The following YWHAB variants were observed in gnomAD, a reference collection of about 807,000 sequenced individuals.
YWHAB encodes the protein 14-3-3 protein beta/alpha.
Under a neutral mutation model 28.5 loss-of-function variants are expected in YWHAB, and 2 were observed. That is an observed-to-expected ratio of 0.07 (90% CI 0.03 to 0.22). The LOEUF (loss-of-function observed/expected upper bound fraction) is 0.22. Ranked by LOEUF, YWHAB falls within the 10% of genes least tolerant of loss-of-function variation. YWHAB has a pLI of 1.00. For synonymous variants in YWHAB, 103 were observed against 104.7 expected, an observed-to-expected ratio of 0.98 and a Z score of 0.10; for missense variants, 148 against 297.1, an observed-to-expected ratio of 0.50 and a Z score of 3.69.
In YWHAB at chr20:44,904,114, A is replaced by G; in HGVS notation, c.422A>G (p.Gln141Arg). Reference sequence around the variant, plus strand: ...GAAGTGGCATCTGGAGACAACAAACAAAGTAAGTAATATCTTTAAAAAGAA... The same window carrying G: ...GAAGTGGCATCTGGAGACAACAAACGAAGTAAGTAATATCTTTAAAAAGAA... ...LSEVASGDNK[Q>R]TTVSNSQQAY... Residue 141 changes from glutamine (Q) to arginine (R), a missense_variant and splice_region_variant, in exon 3 of 6, where the codon CAA becomes CGA. Transcript: ENST00000353703. The G allele has an allele frequency of 1.9e-6, 3 of 1,612,360 alleles. No homozygotes were observed. The highest frequency in any genetic ancestry group is 2.5e-6 in the Non-Finnish European group (3 of 1,179,458).
At chr20:44,900,817 C>T (rs1446564806) in intron 1 of YWHAB, among the ~76,000 whole-genome samples, 1 of 152,082 alleles carries the variant, frequency 6.6e-6, no homozygotes, top group Non-Finnish European at 1.5e-5. Context: ...ACTCTGTTGC[C>T]CACGCTGGAG....
At chr20:44,896,887 A>G (rs970501786) in intron 1 of YWHAB, among the ~76,000 whole-genome samples, 4 of 152,246 alleles carry the variant, frequency 2.6e-5, no homozygotes, top group Admixed American at 1.3e-4. Context: ...CAGGACCTTT[A>G]GCTATGGATT....
chr20:44,888,196 C>T (rs2066539267), intron 1 of YWHAB, among the ~76,000 whole-genome samples: 1 of 152,166 alleles, frequency 6.6e-6, no homozygotes, highest in Admixed American at 6.5e-5. Context: ...ATAGATTAGA[C>T]ATAGCATATA....
At chr20:44,889,368 T>C (rs544032205) in intron 1 of YWHAB, among the ~76,000 whole-genome samples, 2 of 152,306 alleles carry the variant, frequency 1.3e-5, no homozygotes, top group East Asian at 3.9e-4. Flanking sequence ...AAAGATTTTC[T>C]AATAGAGGTG....
At chr20:44,899,930 C>T (rs2066617022) in intron 1 of YWHAB, among the ~76,000 whole-genome samples, 1 of 152,188 alleles carries the variant, frequency 6.6e-6, no homozygotes, top group African/African-American at 2.4e-5. Flanking sequence ...GCAACCTATA[C>T]CATATACAAA....
In YWHAB at chr20:44,901,562, A is replaced by G. The variant is rs1394516879; in HGVS notation, c.29A>G (p.Gln10Arg). The change falls in exon 2 of 6, where the codon CAG (glutamine) becomes CGG (arginine). Residue 10 changes from glutamine (Q) to arginine (R), a missense_variant. Gln to Arg is a conservative substitution (Grantham distance 43, BLOSUM62 1). Coordinates refer to ENST00000353703, the MANE Select transcript of YWHAB (RefSeq NM_139323.4). ...ACAATGGATAAAAGTGAGCTGGTAC[A>G]GAAAGCCAAACTCGCTGAGCAGGCT... MTMDKSELV[Q>R]KAKLAEQAER... The G allele has an allele frequency of 2.5e-6, 4 of 1,606,384 alleles. No homozygotes were observed. Among genetic ancestry groups the G allele is most frequent in the South Asian group, 1.1e-5 (1 of 90,914 alleles).
At chr20:44,901,454 G>T (rs1395870436) in intron 1 of YWHAB, 77 bp from the exon 2 acceptor site, 1 of 1,419,048 alleles carries the variant, frequency 7.0e-7, no homozygotes, top group Non-Finnish European at 9.6e-7. Flanking sequence ...CAGATGGGTT[G>T]GAAGAAGATT....
Position 44,901,673 on chromosome 20 carries a change from C to T in YWHAB, c.140C>T (p.Ser47Phe). The part of the protein sequence containing the change: ...ELSNEERNLL[S>F]VAYKNVVGAR... ...TCCAACGAAGAGAGAAATCTGCTCT[C>T]TGTTGCCTACAAGAATGTGGTAGGC... Residue 47 changes from serine (S) to phenylalanine (F), a missense_variant, in exon 2 of 6, where the codon TCT becomes TTT. By Grantham distance (155) the Ser-to-Phe change is radical (BLOSUM62 -2). Transcript: ENST00000353703. The T allele has an allele frequency of 6.2e-7, 1 of 1,613,612 alleles. No individual in the cohort carries two copies. The highest frequency in any genetic ancestry group is 8.5e-7 in the Non-Finnish European group (1 of 1,179,892).
At chr20:44,901,866 G>C in intron 2 of YWHAB, 33 bp downstream of exon 2, 1 of 1,547,048 alleles carries the variant, frequency 6.5e-7, no homozygotes, top group Non-Finnish European at 8.7e-7. Context: ...TTGAACAGTG[G>C]TTTCTAAATA....
At chr20:44,901,973 T>C (rs1447007068) in intron 2 of YWHAB, 140 bp downstream of exon 2, 1 of 919,458 alleles carries the variant, frequency 1.1e-6, no homozygotes, top group Non-Finnish European at 1.5e-6. Context: ...ACAACTAATT[T>C]TTAAGCATAT....
chr20:44,905,934 GA>G (rs2066653300), intron 4 of YWHAB, 66 bp from the exon 5 acceptor site: 11 of 1,295,446 alleles, frequency 8.5e-6, no homozygotes, highest in East Asian at 2.3e-5. Flanking sequence ...CACCTAGCGG[GA>G]AAAAAAGTGG....
In YWHAB at chr20:44,905,834, T is replaced by C. The variant is rs1405801390; in HGVS notation, c.589-167T>C. On this transcript the variant is annotated intron_variant, in intron 4 of 5. Transcript: ENST00000353703. ...ATTGTTGGTTGGTGCTTTGTAAATA[T>C]GCCTTATACTTCTGCTGGAAACAGC... 4 of 558,526 alleles carry C rather than the reference T, an allele frequency of 7.2e-6. 1 individual carries two copies. Among genetic ancestry groups the C allele is most frequent in the African/African-American group, 1.9e-5 (1 of 53,874 alleles). 34.6% of individuals were successfully genotyped at this position (558,526 alleles called of 1,614,324 possible). A position where few individuals can be genotyped will look rare whatever the true frequency, so the allele number is the denominator to read the frequency against.
intron 1 of YWHAB, among the ~76,000 whole-genome samples, chr20:44,898,072 C>T (rs2066605985): frequency 6.6e-6 from 1 of 152,190 alleles, no homozygotes; most frequent in Non-Finnish European, 1.5e-5. Flanking sequence ...GTCATTTCTA[C>T]TTATCTTTCA....
rs967365091 is a variant in YWHAB, at chr20:44,893,733, T to A, written c.-3-7798T>A. Among the ~76,000 whole-genome samples the A allele has an allele frequency of 4.9e-5, 7 of 143,710 alleles. No individual in the cohort carries two copies. In the South Asian group the frequency reaches 1.2e-3, roughly 24 times the overall value. 94.3% of individuals were successfully genotyped at this position (143,710 alleles called of 152,430 possible). A position where few individuals can be genotyped will look rare whatever the true frequency, so the allele number is the denominator to read the frequency against. On this transcript the variant is annotated intron_variant, in intron 1 of 5. Transcript: ENST00000353703. ...TTTTTTTTGAGACGGAGTTTCGCTCTTGTCGCCCAGGCTGGAGTGTAGTGG... is the reference window on the plus strand; with the variant it reads ...TTTTTTTTGAGACGGAGTTTCGCTCATGTCGCCCAGGCTGGAGTGTAGTGG...
In YWHAB at chr20:44,901,680, C is replaced by G; in HGVS notation, c.147C>G (p.Ala49=). ...SNEERNLLSV[A]YKNVVGARRS... is the part of the protein sequence containing the mutation. ...AAGAGAGAAATCTGCTCTCTGTTGC[C>G]TACAAGAATGTGGTAGGCGCCCGCC... is the stretch of plus-strand genomic sequence containing the variant. Residue 49 remains alanine, a synonymous_variant, in exon 2 of 6, where the codon GCC becomes GCG. Coordinates refer to ENST00000353703, the MANE Select transcript of YWHAB (RefSeq NM_139323.4). 1 of 1,613,660 alleles carries G rather than the reference C, an allele frequency of 6.2e-7. No individual in the cohort carries two copies. The highest frequency in any genetic ancestry group is 1.1e-5 in the South Asian group (1 of 91,046).
intron 1 of YWHAB, among the ~76,000 whole-genome samples, chr20:44,894,933 A>G (rs1212187361): frequency 6.6e-6 from 1 of 152,244 alleles, no homozygotes; most frequent in African/African-American, 2.4e-5. Context: ...AAAACTTGAT[A>G]TTCATTTGCA....
At chr20:44,890,789 G>C (rs1393514831) in intron 1 of YWHAB, among the ~76,000 whole-genome samples, 1 of 152,184 alleles carries the variant, frequency 6.6e-6, no homozygotes, top group East Asian at 1.9e-4. Flanking sequence ...GATTACAGGC[G>C]TGAGCCACCA....
chr20:44,904,091 A>G lies in YWHAB; in HGVS notation c.399A>G (p.Glu133=). The G allele has an allele frequency of 6.2e-7, 1 of 1,612,156 alleles. No homozygotes were observed. Among genetic ancestry groups the G allele is most frequent in the Middle Eastern group, 1.7e-4 (1 of 6,056 alleles). The change falls in exon 3 of 6, where the codon GAA becomes GAG. Residue 133 remains glutamate (E), a synonymous_variant. Transcript: ENST00000353703. ...MKGDYFRYLS[E]VASGDNKQTT... ...GAGATTATTTTAGGTATCTTTCTGA[A>G]GTGGCATCTGGAGACAACAAACAAA...
intron 1 of YWHAB, among the ~76,000 whole-genome samples, chr20:44,893,694 CTTTTTTTTTTT>C (rs3091859): frequency 9.6e-6 from 1 of 103,792 alleles, no homozygotes; most frequent in Non-Finnish European, 1.8e-5. Context: ...CCTCCCCTGC[CTTTTTTTTTTT>C]TTTTTTTTTT....
Sources: allele counts gnomAD v4.1 joint callset (sites outside exome capture counted in the v4.1 genomes callset), GRCh38; gene constraint gnomAD v4.1.1; transcripts MANE v1.5; gene names NCBI Gene and HGNC (gene_info 2026-07-23, HGNC 2026-07-21).